DYNC2I1: variants seen among roughly 807,000 people sequenced by gnomAD.
DYNC2I1 encodes dynein 2 intermediate chain 1, also known as cytoplasmic dynein 2 intermediate chain 1.
A neutral mutation model predicts 133.4 loss-of-function variants in DYNC2I1; 89 were observed. That is an observed-to-expected ratio of 0.67 (90% CI 0.56 to 0.80). The LOEUF (loss-of-function observed/expected upper bound fraction) is 0.80. Among genes scored for constraint, DYNC2I1 ranks in the 30% least tolerant of loss-of-function variants. The probability of loss-of-function intolerance (pLI) is 0.00; values close to 1 mark genes in which losing one functional copy is unlikely to be tolerated. For synonymous variants in DYNC2I1, 504 were observed against 484.3 expected (o/e 1.04, Z -0.54); for missense variants, 1,291 against 1,314.5 (o/e 0.98, Z 0.28).
intron 3 of DYNC2I1, among the ~76,000 whole-genome samples, chr7:158,871,974 G>GGT (rs140978406): frequency 1.3e-4 from 19 of 151,886 alleles, no homozygotes; most frequent in South Asian, 4.2e-4. Context: ...TCTGTTGCGG[G>GGT]GTGTGTGTGT....
At chr7:158,948,424 C>T (rs1049140847), downstream of DYNC2I1, among the ~76,000 whole-genome samples, 12 of 152,380 alleles carry the variant, frequency 7.9e-5, no homozygotes, top group African/African-American at 2.9e-4. Flanking sequence ...TTTGCCACAT[C>T]AGTAGAAGTA....
chr7:158,913,144 T>A (rs1195365049), intron 13 of DYNC2I1, 48 bp downstream of exon 13: 12 of 1,392,980 alleles, frequency 8.6e-6, no homozygotes, highest in Non-Finnish European at 1.2e-5. Flanking sequence ...TTTACATTCT[T>A]TTTTGTTTTA....
chr7:158,930,445 C>G lies in DYNC2I1; in HGVS notation c.2486-10C>G. 6.2e-7 allele frequency: 1 copy of G among 1,610,306 alleles called. No homozygotes were observed. Among genetic ancestry groups the G allele is most frequent in the Non-Finnish European group, 8.5e-7 (1 of 1,178,310 alleles). On this transcript the variant is annotated splice_polypyrimidine_tract_variant and intron_variant, in intron 20 of 24. Coordinates refer to ENST00000407559, the MANE Select transcript of DYNC2I1 (RefSeq NM_018051.5). ...GAAAGGTGCATTGATTTTGGTTCAT[C>G]TCTTTTTAGGTCTGATGCCTGGAGG...
At chr7:158,955,379 C>T (rs1038422279) in intron 4 of DYNC2I1, among the ~76,000 whole-genome samples, 1 of 152,228 alleles carries the variant, frequency 6.6e-6, no homozygotes, top group African/African-American at 2.4e-5. Context: ...CTTCAGTCTG[C>T]ATGGGGGCCA....
upstream of DYNC2I1, among the ~76,000 whole-genome samples, chr7:158,852,345 T>C (rs1364036359): frequency 6.6e-6 from 1 of 151,750 alleles, no homozygotes; most frequent in East Asian, 2.0e-4. Context: ...TAGTCTTGAA[T>C]TCCTGACCCT....
At chr7:158,852,092 C>A (rs1584912770), upstream of DYNC2I1, among the ~76,000 whole-genome samples, 2 of 151,988 alleles carry the variant, frequency 1.3e-5, no homozygotes, top group East Asian at 3.9e-4. Flanking sequence ...GGCCAGGGAC[C>A]ATAGCAGAAG....
At chr7:158,894,130 T>TTCTACTG in intron 8 of DYNC2I1, among the ~76,000 whole-genome samples, 1 of 152,128 alleles carries the variant, frequency 6.6e-6, no homozygotes, top group Non-Finnish European at 1.5e-5. Flanking sequence ...CTACCGCATA[T>TTCTACTG]CATACCGCAT....
At chr7:158,892,543 G>A (rs1845332117) in intron 8 of DYNC2I1, among the ~76,000 whole-genome samples, 1 of 152,128 alleles carries the variant, frequency 6.6e-6, no homozygotes, top group Non-Finnish European at 1.5e-5. Context: ...TTGGGATCAA[G>A]CGATTCTCCT....
intron 5 of DYNC2I1, among the ~76,000 whole-genome samples, chr7:158,883,558 T>C (rs188203894): frequency 7.3e-5 from 11 of 151,410 alleles, no homozygotes; most frequent in East Asian, 1.9e-4. Context: ...TAGAATGATA[T>C]AACTTTTATT....
At chr7:158,955,127 C>T (rs1420946323) in intron 4 of DYNC2I1, among the ~76,000 whole-genome samples, 2 of 152,228 alleles carry the variant, frequency 1.3e-5, no homozygotes, top group African/African-American at 2.4e-5. Context: ...CACGTTGAAA[C>T]ATTGTTGCTT....
intron 21 of DYNC2I1, among the ~76,000 whole-genome samples, chr7:158,931,369 A>G (rs1162629986): frequency 6.6e-6 from 1 of 152,218 alleles, no homozygotes; most frequent in African/African-American, 2.4e-5. Flanking sequence ...GAATTCATGC[A>G]TGCTTGGAGA....
In DYNC2I1 at chr7:158,922,432, C is replaced by A. The variant is rs371944841; in HGVS notation, c.1977C>A (p.Ser659=). 1.9e-6 allele frequency: 3 copies of A among 1,613,880 alleles called. No homozygotes were observed. The Admixed American group carries it at 5.0e-5, about 27-fold the overall frequency. ...TSRVQRQMVV[S]VHDLPEKSFV... ...GAGTTCAGAGGCAGATGGTGGTCTCCGTTCACGACTTACCCGAGAAGAGCT... is the reference window on the plus strand; with the variant it reads ...GAGTTCAGAGGCAGATGGTGGTCTCAGTTCACGACTTACCCGAGAAGAGCT... The change falls in exon 16 of 25, where the codon TCC becomes TCA. Residue 659 remains serine, a synonymous_variant. Coordinates refer to ENST00000407559, the MANE Select transcript of DYNC2I1 (RefSeq NM_018051.5).
intron 17 of DYNC2I1, among the ~76,000 whole-genome samples, chr7:158,924,345 C>T (rs539014927): frequency 4.9e-4 from 75 of 152,394 alleles, no homozygotes; most frequent in African/African-American, 1.8e-3. Flanking sequence ...CCCCATGCCA[C>T]GCCCTGCACC....
chr7:158,936,230 T>G (rs1377464682), intron 23 of DYNC2I1, among the ~76,000 whole-genome samples: 1 of 152,184 alleles, frequency 6.6e-6, no homozygotes, highest in Non-Finnish European at 1.5e-5. Flanking sequence ...AATTTTGTTG[T>G]TGGTGATTTC....
At chr7:158,953,706 A>G (rs889611378) in intron 4 of DYNC2I1, among the ~76,000 whole-genome samples, 32 of 152,080 alleles carry the variant, frequency 2.1e-4, no homozygotes, top group African/African-American at 7.7e-4. Flanking sequence ...AGTAGCTTAC[A>G]TATGCGTGTG....
At chr7:158,931,135 C>G (rs1850176765) in intron 21 of DYNC2I1, among the ~76,000 whole-genome samples, 1 of 152,154 alleles carries the variant, frequency 6.6e-6, no homozygotes. Flanking sequence ...GAACCAGAAA[C>G]ATTGATAAAA....
At position 158,927,091 on chromosome 7, in the gene DYNC2I1, C is replaced by T. The variant is rs141517918; in HGVS notation, c.2485+48C>T. Reference sequence around the variant, plus strand: ...AATTTTAGTGTTTTCTAAAATGAATCGAGATTAAAAGTACTGATAACTGCG... The same window carrying T: ...AATTTTAGTGTTTTCTAAAATGAATTGAGATTAAAAGTACTGATAACTGCG... On this transcript the variant is annotated intron_variant, in intron 20 of 24. Coordinates refer to ENST00000407559, the MANE Select transcript of DYNC2I1 (RefSeq NM_018051.5). The T allele has an allele frequency of 2.6e-3, 3,678 of 1,401,312 alleles. 10 individuals are homozygous for T. The highest frequency in any genetic ancestry group is 2.9e-3 in the Non-Finnish European group (2,951 of 1,014,854). 86.8% of individuals were successfully genotyped at this position (1,401,312 alleles called of 1,614,324 possible).
intron 4 of DYNC2I1, among the ~76,000 whole-genome samples, chr7:158,879,005 C>A (rs1212962265): frequency 1.4e-5 from 2 of 145,788 alleles, no homozygotes; most frequent in Non-Finnish European, 3.0e-5. Context: ...CCAGGAGGGC[C>A]GACTGTGAGT....
At chr7:158,888,871 T>TA (rs1206153955) in intron 7 of DYNC2I1, among the ~76,000 whole-genome samples, 1 of 152,200 alleles carries the variant, frequency 6.6e-6, no homozygotes, top group Non-Finnish European at 1.5e-5. Context: ...ACGTGGATGT[T>TA]TTATTTCTTT....
Sources: allele counts gnomAD v4.1 joint callset (sites outside exome capture counted in the v4.1 genomes callset), GRCh38; gene constraint gnomAD v4.1.1; transcripts MANE v1.5; gene names NCBI Gene and HGNC (gene_info 2026-07-23, HGNC 2026-07-21).